The following APPL2 variants were observed in gnomAD, a reference collection of about 807,000 sequenced individuals.
The protein encoded by APPL2 is adaptor protein, phosphotyrosine interacting with PH domain and leucine zipper 2.
APPL2 carries 84 observed loss-of-function variants against 92.7 expected under a neutral mutation model. The observed-to-expected ratio is 0.91, with a 90% CI of 0.76 to 1.09. The LOEUF is 1.09. APPL2 is among the 50% of genes least tolerant of loss of function. The pLI is 0.00. For synonymous variants in APPL2, 291 were observed against 291.0 expected (o/e 1.00, Z 0.00); for missense variants, 736 against 824.5 (o/e 0.89, Z 1.31).
chr12:105,194,204 G>T (rs117167247), intron 14 of APPL2, among the ~76,000 whole-genome samples: 21 of 152,202 alleles, frequency 1.4e-4, no homozygotes, highest in Non-Finnish European at 2.2e-4. Flanking sequence ...TTAATGCCAG[G>T]CTTTCATTAG....
rs1329014815 is a variant in APPL2 at position 105,236,137 on chromosome 12, C to G, written c.-125G>C. Reference sequence around the variant, plus strand: ...GGCCACTCCGTGCCCGCGGCGGCCCCGCGCGCGTCCACGCCTGGCCAGTGG... The same window carrying G: ...GGCCACTCCGTGCCCGCGGCGGCCCGGCGCGCGTCCACGCCTGGCCAGTGG... On this transcript the variant is annotated 5_prime_UTR_variant, in exon 1 of 21. Coordinates refer to ENST00000258530, the MANE Select transcript of APPL2 (RefSeq NM_018171.5). The G allele has an allele frequency of 2.1e-6, 1 of 487,784 alleles. No individual in the cohort carries two copies. 30.2% of individuals were successfully genotyped at this position (487,784 alleles called of 1,614,324 possible).
At chr12:105,178,163 CTATA>C (rs1444938007) in intron 17 of APPL2, among the ~76,000 whole-genome samples, 1 of 152,094 alleles carries the variant, frequency 6.6e-6, no homozygotes, top group African/African-American at 2.4e-5. Flanking sequence ...AGAAAATAAA[CTATA>C]TGAGAGAATT....
At chr12:105,203,877 T>C in intron 8 of APPL2, 92 bp from the exon 9 acceptor site, 2 of 1,149,438 alleles carry the variant, frequency 1.7e-6, no homozygotes, top group Non-Finnish European at 2.6e-6. Context: ...AGGGCAGCCA[T>C]CACAGCTGGC....
At chr12:105,198,747 G>A (rs769636813) in intron 10 of APPL2, among the ~76,000 whole-genome samples, 1 of 152,188 alleles carries the variant, frequency 6.6e-6, no homozygotes, top group Non-Finnish European at 1.5e-5. Context: ...ATCTAACTTC[G>A]TAAAGCAGGT....
intron 1 of APPL2, 23 bp downstream of exon 1, chr12:105,235,936 G>A (rs1045276881): frequency 3.2e-6 from 4 of 1,239,428 alleles, no homozygotes; most frequent in Non-Finnish European, 4.1e-6. Context: ...GCGGGCGAGG[G>A]GCACCGGAGC....
chr12:105,181,291 T>G (rs1289691348), intron 17 of APPL2, among the ~76,000 whole-genome samples: 2 of 152,224 alleles, frequency 1.3e-5, no homozygotes, highest in Non-Finnish European at 2.9e-5. Flanking sequence ...GAACCAGCCT[T>G]GCATCCCAGG....
chr12:105,195,243 T>C lies in APPL2; in HGVS notation c.1241+18A>G, dbSNP rs1192275006. On this transcript the variant is annotated intron_variant, in intron 14 of 20. Transcript: ENST00000258530. ...ATTTGGCTCCACAAAAGCTAGTTTT[T>C]CTTTGTCCTTTAGTTACCTGGGGCA... is the stretch of plus-strand genomic sequence containing the variant. 6.2e-7 allele frequency: 1 copy of C among 1,613,142 alleles called. No homozygotes were observed. The highest frequency in any genetic ancestry group is 8.5e-7 in the Non-Finnish European group (1 of 1,179,322).
intron 14 of APPL2, among the ~76,000 whole-genome samples, chr12:105,190,780 C>G (rs59618886): frequency 0.063 from 9,613 of 152,256 alleles, 1,006 homozygotes; most frequent in African/African-American, 0.22. Flanking sequence ...TCTTGCGGCC[C>G]TGTGTGCCTC....
In APPL2 at chr12:105,174,462, A is replaced by G. The variant is rs755721285; in HGVS notation, c.1861-14T>C. 31 of 1,605,960 alleles carry G rather than the reference A, an allele frequency of 1.9e-5. No individual in the cohort carries two copies. Among genetic ancestry groups the G allele is most frequent in the Middle Eastern group, 1.7e-4 (1 of 6,044 alleles). On this transcript the variant is annotated splice_polypyrimidine_tract_variant and intron_variant, in intron 20 of 20. Coordinates refer to ENST00000258530, the MANE Select transcript of APPL2 (RefSeq NM_018171.5). Reference sequence around the variant, plus strand: ...TGCTTCTGGATCCTGAAGTTAGGAGAGTTTAAAAGGGAAAAAAGAAAAGGC... The same window carrying G: ...TGCTTCTGGATCCTGAAGTTAGGAGGGTTTAAAAGGGAAAAAAGAAAAGGC...
At chr12:105,210,551 C>T (rs867041977) in intron 5 of APPL2, among the ~76,000 whole-genome samples, 69 of 152,262 alleles carry the variant, frequency 4.5e-4, no homozygotes, top group Middle Eastern at 6.8e-3. Context: ...AGATTATTCA[C>T]GCTTTTTTAT....
intron 1 of APPL2, among the ~76,000 whole-genome samples, chr12:105,235,672 A>G (rs1320421660): frequency 6.6e-6 from 1 of 152,190 alleles, no homozygotes; most frequent in Non-Finnish European, 1.5e-5. Context: ...ATGGAATCAA[A>G]GTTTAGATCT....
chr12:105,216,074 A>G (rs1889663323), intron 4 of APPL2, among the ~76,000 whole-genome samples: 1 of 152,212 alleles, frequency 6.6e-6, no homozygotes, highest in Admixed American at 6.5e-5. Flanking sequence ...CTAATTTTGC[A>G]GAGTTCTGTC....
chr12:105,234,819 A>T (rs1891134457), intron 1 of APPL2, among the ~76,000 whole-genome samples: 1 of 152,176 alleles, frequency 6.6e-6, no homozygotes, highest in South Asian at 2.1e-4. Flanking sequence ...AGTCGTCCAG[A>T]GGATGCAAAC....
chr12:105,228,395 G>T lies in APPL2; in HGVS notation c.153+730C>A, dbSNP rs534731185. Among the ~76,000 whole-genome samples the T allele has an allele frequency of 2.0e-5, 3 of 152,300 alleles. No homozygotes were observed. In the East Asian group the frequency reaches 5.8e-4, roughly 29 times the overall value. On this transcript the variant is annotated intron_variant, in intron 2 of 20. Coordinates refer to ENST00000258530, the MANE Select transcript of APPL2 (RefSeq NM_018171.5). ...GATTTTGGATTTTCAAATTTGGGATGCCCAATCTATATTCCTTAAGAGATT... is the reference window on the plus strand; with the variant it reads ...GATTTTGGATTTTCAAATTTGGGATTCCCAATCTATATTCCTTAAGAGATT...
intron 17 of APPL2, among the ~76,000 whole-genome samples, chr12:105,184,754 A>C (rs1361804059): frequency 6.6e-6 from 1 of 151,814 alleles, no homozygotes; most frequent in Non-Finnish European, 1.5e-5. Context: ...TTGAGGAGGC[A>C]GTCTGTCCCT....
intron 1 of APPL2, 99 bp from the exon 2 acceptor site, chr12:105,229,322 G>T: frequency 8.9e-7 from 1 of 1,129,350 alleles, no homozygotes; most frequent in African/African-American, 1.6e-5. Flanking sequence ...AAACCAGAAT[G>T]CGAGGAAAGA....
chr12:105,189,267 G>A (rs746341498), intron 16 of APPL2, among the ~76,000 whole-genome samples: 3 of 152,142 alleles, frequency 2.0e-5, no homozygotes, highest in Non-Finnish European at 2.9e-5. Flanking sequence ...CTAAGCTCAC[G>A]TGATTCACCT....
In APPL2 at chr12:105,197,691, T is replaced by C. The variant is rs533001505; in HGVS notation, c.1052+74A>G. Reference sequence around the variant, plus strand: ...CCCACAGAGGGCTGGCACATAGGAATGAACTAGGAGGCCCTTGGAACGGGT... The same window carrying C: ...CCCACAGAGGGCTGGCACATAGGAACGAACTAGGAGGCCCTTGGAACGGGT... On this transcript the variant is annotated intron_variant, in intron 11 of 20. Transcript: ENST00000258530. The C allele has an allele frequency of 4.5e-5, 71 of 1,565,554 alleles. No individual in the cohort carries two copies. In the South Asian group the frequency reaches 6.5e-4, roughly 14 times the overall value.
At chr12:105,181,413 G>T (rs934747911) in intron 17 of APPL2, among the ~76,000 whole-genome samples, 1 of 152,062 alleles carries the variant, frequency 6.6e-6, no homozygotes, top group Non-Finnish European at 1.5e-5. Flanking sequence ...GTATTGCCCT[G>T]AAATTGTGTT....
Sources: gnomAD v4.1 joint callset for allele counts (sites outside exome capture counted in the v4.1 genomes callset) on GRCh38, gnomAD v4.1.1 for gene constraint, MANE v1.5 for transcripts, NCBI Gene and HGNC (gene_info 2026-07-23, HGNC 2026-07-21) for gene names.